CBLC: variants seen among roughly 807,000 people sequenced by gnomAD.
CBLC encodes the protein Cbl proto-oncogene C, also known as E3 ubiquitin-protein ligase CBL-C.
A neutral mutation model predicts 58.6 loss-of-function variants in CBLC; 46 were observed. That is an observed-to-expected ratio of 0.79 (90% CI 0.62 to 1.00). The LOEUF is 1.00. CBLC is among the 50% of genes least tolerant of loss of function. The pLI, the probability that CBLC is intolerant of heterozygous loss-of-function variation, is 0.00. For synonymous variants in CBLC, 271 were observed against 264.2 expected (o/e 1.03, Z -0.25); for missense variants, 655 against 625.8 (o/e 1.05, Z -0.50).
intron 5 of CBLC, among the ~76,000 whole-genome samples, chr19:44,786,400 C>G (rs991338829): frequency 4.0e-5 from 6 of 151,080 alleles, no homozygotes; most frequent in African/African-American, 1.2e-4. Context: ...GACCATCCTG[C>G]CTAACACTGT....
intron 9 of CBLC, among the ~76,000 whole-genome samples, chr19:44,798,898 C>T (rs555882935): frequency 1.3e-5 from 2 of 152,136 alleles, no homozygotes; most frequent in Non-Finnish European, 2.9e-5. Context: ...AACATTGGAC[C>T]CTTGCTGCTC....
chr19:44,785,532 G>A (rs1255696380), intron 5 of CBLC, among the ~76,000 whole-genome samples: 5 of 148,904 alleles, frequency 3.4e-5, no homozygotes, highest in African/African-American at 9.8e-5. Context: ...AGTCAGATAG[G>A]TAGATAGATA....
chr19:44,781,068 C>T lies in CBLC; in HGVS notation c.500+17C>T. ...CGGAGCCCGGTGAGTAAGCCCTTGT[C>T]CTCAGCTCCCGGAGCCCCATCCTGC... On this transcript the variant is annotated intron_variant, in intron 2 of 10. Coordinates refer to ENST00000647358, the MANE Select transcript of CBLC (RefSeq NM_012116.4). 6.2e-7 allele frequency: 1 copy of T among 1,606,728 alleles called. No individual in the cohort carries two copies. The highest frequency in any genetic ancestry group is 8.5e-7 in the Non-Finnish European group (1 of 1,176,710).
chr19:44,787,288 G>A (rs1276726649), intron 5 of CBLC, among the ~76,000 whole-genome samples: 4 of 151,970 alleles, frequency 2.6e-5, no homozygotes. Flanking sequence ...CAGCTACTCA[G>A]GAGGCTGAGG....
intron 4 of CBLC, among the ~76,000 whole-genome samples, chr19:44,783,399 C>G (rs1232821960): frequency 1.3e-5 from 2 of 151,942 alleles, no homozygotes; most frequent in African/African-American, 2.4e-5. Flanking sequence ...ATCCCAGCTA[C>G]TTGGGAGGCT....
chr19:44,780,798 T>G (rs1050333751), intron 1 of CBLC, 107 bp from the exon 2 acceptor site: 314 of 1,166,672 alleles, frequency 2.7e-4, no homozygotes, highest in East Asian at 4.8e-4. Flanking sequence ...CTTACACTGT[T>G]GAGATAGAGT....
chr19:44,790,122 G>C (rs1342538104), intron 6 of CBLC, 31 bp downstream of exon 6: 1 of 1,559,540 alleles, frequency 6.4e-7, no homozygotes, highest in Non-Finnish European at 8.8e-7. Context: ...CGCAGTCCCA[G>C]TTCCCTGACC....
intron 3 of CBLC, among the ~76,000 whole-genome samples, chr19:44,782,071 G>C (rs1404029152): frequency 7.0e-6 from 1 of 142,290 alleles, no homozygotes; most frequent in Admixed American, 7.0e-5. Context: ...GTCTGAGGGA[G>C]GAGGGGCTGG....
chr19:44,782,961 G>T (rs539978243), intron 4 of CBLC, among the ~76,000 whole-genome samples: 1 of 152,328 alleles, frequency 6.6e-6, no homozygotes, highest in East Asian at 1.9e-4. Flanking sequence ...GGTCAGGTTT[G>T]TGAGTCTCTG....
chr19:44,778,405 C>T (rs1967632684), intron 1 of CBLC, 121 bp downstream of exon 1: 1 of 919,708 alleles, frequency 1.1e-6, no homozygotes, highest in Non-Finnish European at 1.4e-6. Flanking sequence ...CCCAGGAACT[C>T]AGGCCCCCAC....
chr19:44,783,638 G>A (rs1010146250), intron 4 of CBLC, among the ~76,000 whole-genome samples: 12 of 152,188 alleles, frequency 7.9e-5, no homozygotes, highest in South Asian at 4.2e-4. Flanking sequence ...CCAGGATCCC[G>A]CCACTGCACT....
chr19:44,781,574 G>T (rs1301105933), intron 3 of CBLC, among the ~76,000 whole-genome samples: 1 of 136,142 alleles, frequency 7.3e-6, no homozygotes, highest in African/African-American at 2.8e-5. Context: ...TGGGGGCCTG[G>T]ACTCCTGGGT....
intron 9 of CBLC, among the ~76,000 whole-genome samples, chr19:44,797,005 C>A (rs1391744693): frequency 6.6e-6 from 1 of 152,118 alleles, no homozygotes; most frequent in South Asian, 2.1e-4. Context: ...GGCACTCAGC[C>A]GGCTCCCAGA....
Position 44,793,461 on chromosome 19 carries a change from C to T in CBLC, c.1138-13C>T, listed in dbSNP as rs200336706. ...AGGGGAGCACTGACCCTTTCCCTCC[C>T]GACCTCCCCCAGCACTCGGACAGCC... On this transcript the variant is annotated splice_polypyrimidine_tract_variant and intron_variant, in intron 7 of 10. Transcript: ENST00000647358. 48 of 1,595,938 alleles carry T rather than the reference C, an allele frequency of 3.0e-5. No homozygotes were observed. In the African/African-American group the frequency reaches 3.9e-4, roughly 13 times the overall value.
At position 44,794,267 on chromosome 19, in the gene CBLC, G is replaced by A; in HGVS notation, c.1348G>A (p.Ala450Thr). ...TCTGCCCCCCAGGAAGCCCAGAAAT[G>A]CCCAGCCGAAAGTGGTGAGTCAGGC... Reference protein sequence around the residue: ...PDLPPRKPRNAQPKVRLLKGN... With the variant: ...PDLPPRKPRNTQPKVRLLKGN... Residue 450 changes from alanine to threonine, a missense_variant, in exon 9 of 11, where the codon GCC (alanine) becomes ACC (threonine). Physicochemically the swap from Ala to Thr is moderately conservative, Grantham distance 58. This residue lies in a region of CBLC where 371 missense variants were observed against 370.8 expected (regional missense o/e 1.00). Transcript: ENST00000647358. 1 of 1,612,780 alleles carries A rather than the reference G, an allele frequency of 6.2e-7. No individual in the cohort carries two copies. Among genetic ancestry groups the A allele is most frequent in the Non-Finnish European group, 8.5e-7 (1 of 1,179,452 alleles).
intron 5 of CBLC, among the ~76,000 whole-genome samples, chr19:44,787,109 A>G (rs750429583): frequency 6.6e-6 from 1 of 151,926 alleles, no homozygotes; most frequent in Non-Finnish European, 1.5e-5. Context: ...AAAGTCAATC[A>G]TAAGCTGGGC....
At position 44,781,360 on chromosome 19, in the gene CBLC, T is replaced by C. The variant is rs762614077; in HGVS notation, c.654T>C (p.Phe218=). The C allele has an allele frequency of 6.2e-7, 1 of 1,608,562 alleles. No individual in the cohort carries two copies. Among genetic ancestry groups the C allele is most frequent in the Non-Finnish European group, 8.5e-7 (1 of 1,179,714 alleles). ...IFEFDVFTRL[F]QPWPTLLKNW... is the part of the protein sequence containing the mutation. ...AGTTCGACGTCTTCACCAGGCTCTT[T>C]CAGGTCAGGGAAGGCCAAGGCTGGG... Residue 218 remains phenylalanine (F), a synonymous_variant, in exon 3 of 11, where the codon TTT becomes TTC. Coordinates refer to ENST00000647358, the MANE Select transcript of CBLC (RefSeq NM_012116.4).
chr19:44,781,334 G>A lies in CBLC; in HGVS notation c.628G>A (p.Glu210Lys), dbSNP rs769807888. 8.7e-6 allele frequency: 14 copies of A among 1,611,670 alleles called. No homozygotes were observed. The highest frequency in any genetic ancestry group is 3.3e-5 in the South Asian group (3 of 91,082). ...CTGCAGCGGGCACGTGTCCATCTTC[G>A]AGTTCGACGTCTTCACCAGGCTCTT... Reference protein sequence around the residue: ...LTCSGHVSIFEFDVFTRLFQP... With the variant: ...LTCSGHVSIFKFDVFTRLFQP... Residue 210 changes from glutamate to lysine, a missense_variant, in exon 3 of 11, where the codon GAG becomes AAG. By Grantham distance (56) the Glu-to-Lys change is moderately conservative. This residue lies in a region of CBLC where 371 missense variants were observed against 370.8 expected (regional missense o/e 1.00). Transcript: ENST00000647358.
intron 6 of CBLC, among the ~76,000 whole-genome samples, chr19:44,791,732 CAAAAAAA>C (rs774565610): frequency 3.9e-5 from 3 of 76,686 alleles, no homozygotes; most frequent in African/African-American, 9.6e-5. Context: ...ACTGCGTCTC[CAAAAAAA>C]AAAAAAAAAA....
Sources: gnomAD v4.1 joint callset for allele counts (sites outside exome capture counted in the v4.1 genomes callset) on GRCh38, gnomAD v4.1.1 for gene constraint, gnomAD v4.1.1 regional missense constraint, MANE v1.5 for transcripts, NCBI Gene and HGNC (gene_info 2026-07-23, HGNC 2026-07-21) for gene names.